The following PROSER2 variants were observed in gnomAD, a reference collection of about 807,000 sequenced individuals.
PROSER2 encodes the protein proline and serine rich 2.
In PROSER2, 18 loss-of-function variants were observed where a neutral mutation model predicts 14.6. That is an observed-to-expected ratio of 1.23 (90% confidence interval 0.85 to 1.83). PROSER2 has a LOEUF of 1.83. PROSER2 is among the 40% of genes most tolerant of loss of function. The pLI is 0.00. For synonymous variants in PROSER2, 367 were observed against 286.4 expected (o/e 1.28, Z -2.84); for missense variants, 823 against 629.8 (o/e 1.31, Z -3.28).
At chr10:11,826,778 C>T (rs575414359) in intron 1 of PROSER2, among the ~76,000 whole-genome samples, 10 of 151,830 alleles carry the variant, frequency 6.6e-5, no homozygotes, top group South Asian at 4.2e-4. Flanking sequence ...GTCGGGGTTT[C>T]GCCGTGTTAG....
intron 2 of PROSER2, among the ~76,000 whole-genome samples, chr10:11,860,123 G>A (rs1304339449): frequency 6.6e-6 from 1 of 152,208 alleles, no homozygotes; most frequent in East Asian, 1.9e-4. Context: ...TTAGGCAGCG[G>A]ACAGCCCACA....
intron 2 of PROSER2, among the ~76,000 whole-genome samples, chr10:11,861,098 T>C (rs2131084893): frequency 6.6e-6 from 1 of 152,330 alleles, no homozygotes; most frequent in African/African-American, 2.4e-5. Flanking sequence ...AGAGCAAGAC[T>C]CCTAAAAAAT....
chr10:11,868,301 G>A (rs979183005), intron 3 of PROSER2, among the ~76,000 whole-genome samples: 6 of 152,114 alleles, frequency 3.9e-5, no homozygotes, highest in Admixed American at 6.5e-5. Context: ...TCTGAGACAG[G>A]AACTCTCTCT....
At chr10:11,826,559 T>C (rs1330621555) in intron 1 of PROSER2, among the ~76,000 whole-genome samples, 2 of 152,054 alleles carry the variant, frequency 1.3e-5, no homozygotes, top group Non-Finnish European at 2.9e-5. Flanking sequence ...CCCGCCTTTT[T>C]ATTTATGTAT....
intron 1 of PROSER2, among the ~76,000 whole-genome samples, chr10:11,834,859 C>A (rs1257865818): frequency 1.3e-5 from 2 of 152,056 alleles, no homozygotes; most frequent in Non-Finnish European, 2.9e-5. Context: ...TCAATCCCAG[C>A]ACTTTGTGAG....
chr10:11,828,301 G>GAAAAAAAAAA (rs11297440), intron 1 of PROSER2, among the ~76,000 whole-genome samples: 1 of 136,242 alleles, frequency 7.3e-6, no homozygotes. Flanking sequence ...CTCTCTGTGT[G>GAAAAAAAAAA]AAAAAAAAAA....
intron 2 of PROSER2, among the ~76,000 whole-genome samples, chr10:11,852,757 C>T (rs1180237631): frequency 2.1e-5 from 3 of 145,242 alleles, no homozygotes; most frequent in East Asian, 2.0e-4. Context: ...AGGCTGATCT[C>T]GAACTCCGCC....
At position 11,869,782 on chromosome 10, in the gene PROSER2, T is replaced by C; in HGVS notation, c.684T>C (p.Pro228=). ...REGRPGEWRT[P]AARGPRSGDP... ...GCCGGCCCGGGGAGTGGAGGACACC[T>C]GCCGCCCGGGGGCCCCGCAGTGGAG... is the stretch of plus-strand genomic sequence containing the variant. The change falls in exon 4 of 4, where the codon CCT becomes CCC. Residue 228 remains proline, a synonymous_variant. Coordinates refer to ENST00000277570, the MANE Select transcript of PROSER2 (RefSeq NM_153256.4). The surrounding 1 kb of genome is among the most constrained non-coding windows in gnomAD (Gnocchi z 4.4). The C allele has an allele frequency of 6.4e-7, 1 of 1,558,348 alleles. No individual in the cohort carries two copies. The highest frequency in any genetic ancestry group is 8.7e-7 in the Non-Finnish European group (1 of 1,153,594).
intron 1 of PROSER2, among the ~76,000 whole-genome samples, chr10:11,833,685 C>A (rs1183086865): frequency 2.6e-5 from 4 of 152,022 alleles, no homozygotes; most frequent in Non-Finnish European, 4.4e-5. Flanking sequence ...GAGTGAGGCT[C>A]CATCTCAAAA....
At position 11,856,598 on chromosome 10, in the gene PROSER2, A is replaced by G. The variant is rs1364100309; in HGVS notation, c.138+4383A>G. ...TGGGCAGAAACAGTGATCCAAATTTATGAATGAGTTTTTAGGATTTAATAT... is the reference window on the plus strand; with the variant it reads ...TGGGCAGAAACAGTGATCCAAATTTGTGAATGAGTTTTTAGGATTTAATAT... On this transcript the variant is annotated intron_variant, in intron 2 of 3. Transcript: ENST00000277570. The surrounding 1 kb of genome is among the most constrained non-coding windows in gnomAD (Gnocchi z 5.3). Among the ~76,000 whole-genome samples the G allele has an allele frequency of 6.6e-6, 1 of 152,182 alleles. No homozygotes were observed. Among genetic ancestry groups the G allele is most frequent in the Non-Finnish European group, 1.5e-5 (1 of 68,034 alleles).
At position 11,870,469 on chromosome 10, in the gene PROSER2, C is replaced by A; in HGVS notation, c.*63C>A. On this transcript the variant is annotated 3_prime_UTR_variant, in exon 4 of 4. Coordinates refer to ENST00000277570, the MANE Select transcript of PROSER2 (RefSeq NM_153256.4). ...CCCTGAAGAGAGGGTGAAAGAGTCG[C>A]TGCACCCAGGAGCTGTTTGGTCTAA... is the stretch of plus-strand genomic sequence containing the variant. 1 of 1,298,770 alleles carries A rather than the reference C, an allele frequency of 7.7e-7. No homozygotes were observed. The highest frequency in any genetic ancestry group is 3.8e-5 in the Admixed American group (1 of 26,532). 80.5% of individuals were successfully genotyped at this position (1,298,770 alleles called of 1,614,324 possible).
At chr10:11,842,238 A>G (rs2131059321) in intron 1 of PROSER2, among the ~76,000 whole-genome samples, 1 of 151,144 alleles carries the variant, frequency 6.6e-6, no homozygotes, top group African/African-American at 2.4e-5. Context: ...AAAAAAATCC[A>G]GTGTGACAAT....
intron 2 of PROSER2, among the ~76,000 whole-genome samples, chr10:11,855,962 T>C (rs1264699568): frequency 1.3e-5 from 2 of 152,194 alleles, no homozygotes; most frequent in African/African-American, 4.8e-5. Flanking sequence ...ATCCTGCCTG[T>C]GAACATTTTT....
At chr10:11,852,730 G>A (rs1834048662) in intron 2 of PROSER2, among the ~76,000 whole-genome samples, 1 of 124,334 alleles carries the variant, frequency 8.0e-6, no homozygotes, top group Non-Finnish European at 1.7e-5. Context: ...TAGAGACAGG[G>A]TTTCACCATG....
At position 11,856,204 on chromosome 10, in the gene PROSER2, T is replaced by G. The variant is rs575021738; in HGVS notation, c.138+3989T>G. On this transcript the variant is annotated intron_variant, in intron 2 of 3. Coordinates refer to ENST00000277570, the MANE Select transcript of PROSER2 (RefSeq NM_153256.4). This position sits in a 1 kb window ranked among gnomAD's most constrained non-coding sequence, Gnocchi z 5.3. ...CCGAGAAGGGCTTGAGATGTCCATA[T>G]GTGACAGCTCTCCTCTCCATGGCTG... Among the ~76,000 whole-genome samples the G allele has an allele frequency of 6.6e-6, 1 of 152,296 alleles. No homozygotes were observed. Among genetic ancestry groups the G allele is most frequent in the East Asian group, 1.9e-4 (1 of 5,184 alleles).
At chr10:11,840,955 AATATATATATATAT>A (rs1305528836) in intron 1 of PROSER2, among the ~76,000 whole-genome samples, 77 of 18,882 alleles carry the variant, frequency 4.1e-3, no homozygotes, top group Admixed American at 7.0e-3. Context: ...AAAAAAAAAA[AATATATATATATAT>A]ATATATATAT....
chr10:11,824,322 G>C (rs1299017638), intron 1 of PROSER2, among the ~76,000 whole-genome samples: 1 of 152,122 alleles, frequency 6.6e-6, no homozygotes, highest in Non-Finnish European at 1.5e-5. Context: ...CAATTTTAAC[G>C]GAGAACATTT....
intron 3 of PROSER2, among the ~76,000 whole-genome samples, chr10:11,868,881 C>G (rs1834405146): frequency 6.6e-6 from 1 of 152,178 alleles, no homozygotes; most frequent in African/African-American, 2.4e-5. Context: ...GAACTTCTGG[C>G]CTCAAGTGAT....
chr10:11,870,152 C>A lies in PROSER2; in HGVS notation c.1054C>A (p.Leu352Met). 2 of 1,454,568 alleles carry A rather than the reference C, an allele frequency of 1.4e-6. No individual in the cohort carries two copies. Among genetic ancestry groups the A allele is most frequent in the Admixed American group, 2.6e-5 (1 of 39,196 alleles). 90.1% of individuals were successfully genotyped at this position (1,454,568 alleles called of 1,614,324 possible). ...ANGFPSAHEA[L>M]KSAPSSFAPA... Reference sequence around the variant, plus strand: ...CGGCTTCCCAAGTGCGCACGAGGCCCTGAAGAGCGCACCCAGCTCCTTCGC... The same window carrying A: ...CGGCTTCCCAAGTGCGCACGAGGCCATGAAGAGCGCACCCAGCTCCTTCGC... Residue 352 changes from leucine to methionine, a missense_variant, in exon 4 of 4, where the codon CTG becomes ATG. Leu to Met is a conservative substitution (Grantham distance 15). Coordinates refer to ENST00000277570, the MANE Select transcript of PROSER2 (RefSeq NM_153256.4).
Sources: allele counts gnomAD v4.1 joint callset (sites outside exome capture counted in the v4.1 genomes callset), GRCh38; gene constraint gnomAD v4.1.1; non-coding constraint Gnocchi (gnomAD v3.1); transcripts MANE v1.5; gene names NCBI Gene and HGNC (gene_info 2026-07-23, HGNC 2026-07-21).